Variants in TBC1D2 observed in about 807,000 individuals in gnomAD.
The protein encoded by TBC1D2 is TBC1 domain family member 2A.
In TBC1D2, 58 loss-of-function variants were observed where a neutral mutation model predicts 91.1. The observed-to-expected ratio is 0.64, with a 90% CI of 0.52 to 0.79. The LOEUF is 0.79. Ranked by LOEUF, TBC1D2 falls within the 30% of genes least tolerant of loss-of-function variation. The pLI, the probability that TBC1D2 is intolerant of heterozygous loss-of-function variation, is 0.00. For missense variants in TBC1D2, 1,080 were observed against 1,208.3 expected (o/e 0.89, Z 1.57); for synonymous variants, 482 against 511.5 (o/e 0.94, Z 0.78).
intron 6 of TBC1D2, among the ~76,000 whole-genome samples, chr9:98,215,705 T>C (rs1450616927): frequency 2.0e-5 from 3 of 152,100 alleles, no homozygotes; most frequent in Non-Finnish European, 4.4e-5. Flanking sequence ...GAGGTCTCAC[T>C]ATGTTTCCCA....
In TBC1D2 at chr9:98,255,395, A is replaced by C. The variant is rs115736722; in HGVS notation, c.147T>G (p.Cys49Trp). The C allele has an allele frequency of 6.2e-7, 1 of 1,613,984 alleles. No individual in the cohort carries two copies. Among genetic ancestry groups the C allele is most frequent in the South Asian group, 1.1e-5 (1 of 91,080 alleles). The change falls in exon 1 of 13, where the codon TGT (cysteine) becomes TGG (tryptophan). Residue 49 changes from cysteine to tryptophan, a missense_variant. Cys to Trp is a radical substitution (Grantham distance 215). Transcript: ENST00000465784. ...RSLEAVPKKLCGYLSKFGGKG... is the reference protein window; with the variant it reads ...RSLEAVPKKLWGYLSKFGGKG... ...TGCCGCCGAACTTACTTAAATACCCACAGAGTTTCTTGGGGACCGCCTCCA... is the reference window on the plus strand; with the variant it reads ...TGCCGCCGAACTTACTTAAATACCCCCAGAGTTTCTTGGGGACCGCCTCCA...
intron 4 of TBC1D2, among the ~76,000 whole-genome samples, chr9:98,232,598 G>A (rs532305658): frequency 4.6e-5 from 7 of 152,118 alleles, no homozygotes; most frequent in South Asian, 2.1e-4. Context: ...GATTACAAGC[G>A]TGAGCCACCA....
intron 3 of TBC1D2, among the ~76,000 whole-genome samples, chr9:98,240,365 T>C (rs567198850): frequency 6.6e-6 from 1 of 152,332 alleles, no homozygotes; most frequent in East Asian, 1.9e-4. Context: ...TGTCCTGTTA[T>C]AAGGAGAGCC....
intron 3 of TBC1D2, 92 bp from the exon 4 acceptor site, chr9:98,233,641 C>T: frequency 1.3e-6 from 2 of 1,544,436 alleles, no homozygotes; most frequent in Non-Finnish European, 1.7e-6. Context: ...GCTCAGGTCT[C>T]ATCCCCACAC....
At chr9:98,240,868 A>G (rs1448673280) in intron 3 of TBC1D2, among the ~76,000 whole-genome samples, 3 of 152,206 alleles carry the variant, frequency 2.0e-5, no homozygotes, top group Non-Finnish European at 4.4e-5. Flanking sequence ...TCATAAATTT[A>G]TCAACTTTGC....
intron 9 of TBC1D2, among the ~76,000 whole-genome samples, 194 bp from the exon 10 acceptor site, chr9:98,203,602 C>T (rs1035659882): frequency 4.6e-5 from 7 of 152,272 alleles, no homozygotes; most frequent in Admixed American, 2.0e-4. Flanking sequence ...GGATGACCGG[C>T]GATTTCCAGA....
rs763227220 is a variant in TBC1D2, at chr9:98,220,810, A to G, written c.1374+23T>C. The stretch of plus-strand genomic sequence containing the variant: ...GGGACAGAGGACCGGCAGGACTGGC[A>G]GGCCCTGAGGGGAGGCCCCTACCTT... On this transcript the variant is annotated intron_variant, in intron 6 of 12. Transcript: ENST00000465784. 1.9e-5 allele frequency: 30 copies of G among 1,609,118 alleles called. 1 individual carries two copies. In the Admixed American group the frequency reaches 5.0e-4, roughly 27 times the overall value.
Position 98,229,132 on chromosome 9 carries a change from A to G in TBC1D2, c.798T>C (p.Asp266=), listed in dbSNP as rs1481628456. ...AAGGCTTGGGTGCAGGCTTTGGAGA[A>G]TCCTCTGGCTCTCTCCCTGCTCAAG... The part of the protein sequence containing the change: ...DASTPGREPE[D]SPKPAPKPSL... Residue 266 remains aspartate, a synonymous_variant, in exon 5 of 13, where the codon GAT becomes GAC. Coordinates refer to ENST00000465784, the MANE Select transcript of TBC1D2 (RefSeq NM_001267571.2). 6.2e-6 allele frequency: 10 copies of G among 1,614,080 alleles called. No homozygotes were observed. In the Admixed American group the frequency reaches 1.5e-4, roughly 24 times the overall value.
Position 98,255,568 on chromosome 9 carries a change from A to G in TBC1D2, c.-27T>C, listed in dbSNP as rs2131308357. 6.7e-7 allele frequency: 1 copy of G among 1,483,860 alleles called. No individual in the cohort carries two copies. Among genetic ancestry groups the G allele is most frequent in the East Asian group, 2.3e-5 (1 of 42,554 alleles). 91.9% of individuals were successfully genotyped at this position (1,483,860 alleles called of 1,614,324 possible). On this transcript the variant is annotated 5_prime_UTR_variant, in exon 1 of 13. Coordinates refer to ENST00000465784, the MANE Select transcript of TBC1D2 (RefSeq NM_001267571.2). ...GCTGCCAGCCGGAGACTGCGGAGGG[A>G]CGAGGGGTCCGCGGGACCACCAGGG...
Position 98,213,519 on chromosome 9 carries a change from G to A in TBC1D2, c.1375-301C>T, listed in dbSNP as rs891624084. On this transcript the variant is annotated intron_variant, in intron 6 of 12. Transcript: ENST00000465784. Reference sequence around the variant, plus strand: ...ACCCTCTGTTTCCTCATCTGTAAAAGGGGCAAATACCAACTAACCTACTGG... The same window carrying A: ...ACCCTCTGTTTCCTCATCTGTAAAAAGGGCAAATACCAACTAACCTACTGG... 8.9e-6 allele frequency: 7 copies of A among 788,050 alleles called. No homozygotes were observed. The African/African-American group carries it at 1.3e-4, about 14-fold the overall frequency. 48.8% of individuals were successfully genotyped at this position (788,050 alleles called of 1,614,324 possible). A position where few individuals can be genotyped will look rare whatever the true frequency, so the allele number is the denominator to read the frequency against.
intron 7 of TBC1D2, among the ~76,000 whole-genome samples, chr9:98,212,055 C>T (rs750811182): frequency 6.6e-5 from 10 of 152,146 alleles, no homozygotes; most frequent in Non-Finnish European, 2.9e-5. Context: ...CCTCGGCCTC[C>T]CAAAGCGCTG....
At position 98,241,347 on chromosome 9, in the gene TBC1D2, T is replaced by C. The variant is rs566632883; in HGVS notation, c.647+2647A>G. Reference sequence around the variant, plus strand: ...GAGCATAAAGCACCCAACACAGTGCTCAGGAAGCTCCCTACCCCCTTCCCT... The same window carrying C: ...GAGCATAAAGCACCCAACACAGTGCCCAGGAAGCTCCCTACCCCCTTCCCT... On this transcript the variant is annotated intron_variant, in intron 3 of 12. Coordinates refer to ENST00000465784, the MANE Select transcript of TBC1D2 (RefSeq NM_001267571.2). Among the ~76,000 whole-genome samples, 10 of 152,222 alleles carry C rather than the reference T, an allele frequency of 6.6e-5. No individual in the cohort carries two copies. The East Asian group carries it at 1.9e-3, about 29-fold the overall frequency.
In TBC1D2 at chr9:98,243,061, T is replaced by C. The variant is rs190346485; in HGVS notation, c.647+933A>G. ...TCCCAAAGTGTTGCAATTACAGGCA[T>C]GAACCACGACGCCTGGTCCATACTG... On this transcript the variant is annotated intron_variant, in intron 3 of 12. Transcript: ENST00000465784. 2.6e-3 allele frequency among the ~76,000 whole-genome samples: 394 copies of C among 151,900 alleles called. 4 individuals carry two copies. Among genetic ancestry groups the C allele is most frequent in the Non-Finnish European group, 3.8e-3 (257 of 67,972 alleles).
Position 98,241,513 on chromosome 9 carries a change from T to C in TBC1D2, c.647+2481A>G, listed in dbSNP as rs544663056. On this transcript the variant is annotated intron_variant, in intron 3 of 12. Coordinates refer to ENST00000465784, the MANE Select transcript of TBC1D2 (RefSeq NM_001267571.2). Reference sequence around the variant, plus strand: ...AGCCCAGGGCACTTCTCTTGCAAAGTAGCCTGGCATTTTCTGTGGGCCAAG... The same window carrying C: ...AGCCCAGGGCACTTCTCTTGCAAAGCAGCCTGGCATTTTCTGTGGGCCAAG... Among the ~76,000 whole-genome samples the C allele has an allele frequency of 3.9e-5, 6 of 152,302 alleles. No individual in the cohort carries two copies. In the East Asian group the frequency reaches 1.2e-3, roughly 29 times the overall value.
At chr9:98,250,673 C>A (rs1306193469) in intron 2 of TBC1D2, among the ~76,000 whole-genome samples, 1 of 152,136 alleles carries the variant, frequency 6.6e-6, no homozygotes, top group East Asian at 1.9e-4. Flanking sequence ...CACCCAGGTA[C>A]AGAGGTCCAG....
chr9:98,201,122 G>A (rs373768550), intron 11 of TBC1D2, among the ~76,000 whole-genome samples: 1 of 152,114 alleles, frequency 6.6e-6, no homozygotes, highest in South Asian at 2.1e-4. Flanking sequence ...CTCTGGGCAA[G>A]GTCAGTACAG....
At chr9:98,206,163 G>A (rs1828648622) in intron 9 of TBC1D2, among the ~76,000 whole-genome samples, 1 of 150,752 alleles carries the variant, frequency 6.6e-6, no homozygotes. Context: ...TCACCATGTT[G>A]GCCAGGATGG....
intron 3 of TBC1D2, among the ~76,000 whole-genome samples, chr9:98,239,694 G>C (rs1829590744): frequency 6.6e-6 from 1 of 152,102 alleles, no homozygotes; most frequent in African/African-American, 2.4e-5. Context: ...ATGAGTTGGG[G>C]GATGTGTCCC....
chr9:98,229,070 T>C lies in TBC1D2; in HGVS notation c.860A>G (p.Gln287Arg), dbSNP rs756308249. ...TISFAQKAKRQNNTFPFFSEG... is the reference protein window; with the variant it reads ...TISFAQKAKRRNNTFPFFSEG... ...AGAAAAGAATGGGAAGGTGTTGTTCTGGCGCTTGGCTTTCTGAGCGAAACT... is the reference window on the plus strand; with the variant it reads ...AGAAAAGAATGGGAAGGTGTTGTTCCGGCGCTTGGCTTTCTGAGCGAAACT... Residue 287 changes from glutamine to arginine, a missense_variant, in exon 5 of 13, where the codon CAG becomes CGG. Physicochemically the swap from Gln to Arg is conservative, Grantham distance 43. Transcript: ENST00000465784. 4 of 1,614,228 alleles carry C rather than the reference T, an allele frequency of 2.5e-6. No individual in the cohort carries two copies. In the South Asian group the frequency reaches 4.4e-5, roughly 18 times the overall value.
Sources: gnomAD v4.1 joint callset for allele counts (sites outside exome capture counted in the v4.1 genomes callset) on GRCh38, gnomAD v4.1.1 for gene constraint, MANE v1.5 for transcripts, NCBI Gene and HGNC (gene_info 2026-07-23, HGNC 2026-07-21) for gene names.